The following ANKS1B variants were observed in gnomAD, a reference collection of about 807,000 sequenced individuals.
ANKS1B encodes the protein ankyrin repeat and sterile alpha motif domain containing 1B, also known as ankyrin repeat and sterile alpha motif domain-containing protein 1B.
A neutral mutation model predicts 148.3 loss-of-function variants in ANKS1B; 36 were observed. The ratio of observed to expected loss-of-function variants is 0.24; its 90% CI spans 0.19 to 0.32. The LOEUF (loss-of-function observed/expected upper bound fraction) is 0.32, where lower values mean the gene tolerates loss of function less well. ANKS1B is among the 10% of genes least tolerant of loss of function. The pLI is 1.00. For synonymous variants in ANKS1B, 542 were observed against 560.8 expected, an observed-to-expected ratio of 0.97 and a Z score of 0.47; for missense variants, 1,157 against 1,542.6, an observed-to-expected ratio of 0.75 and a Z score of 4.19.
chr12:99,199,389 A>G lies in ANKS1B; in HGVS notation c.2419+44953T>C, dbSNP rs539285374. ...CCGTGGTTTTTTAAAAACAATTATT[A>G]TCCTTTCACTTTCAGCCCTAGTCTT... is the stretch of plus-strand genomic sequence containing the variant. On this transcript the variant is annotated intron_variant, in intron 14 of 26. Coordinates refer to ENST00000683438, the MANE Select transcript of ANKS1B (RefSeq NM_001352186.2). Among the ~76,000 whole-genome samples, 20 of 152,310 alleles carry G rather than the reference A, an allele frequency of 1.3e-4. No homozygotes were observed. In the South Asian group the frequency reaches 3.7e-3, roughly 28 times the overall value.
At chr12:99,590,254 C>CA (rs2097687488) in intron 9 of ANKS1B, among the ~76,000 whole-genome samples, 2 of 130,266 alleles carry the variant, frequency 1.5e-5, no homozygotes, top group African/African-American at 3.1e-5. Flanking sequence ...ACACCCACAC[C>CA]CACCCACACA....
chr12:99,507,899 T>G (rs56193618), intron 9 of ANKS1B, among the ~76,000 whole-genome samples: 32,775 of 151,696 alleles, frequency 0.22, 4,068 homozygotes, highest in African/African-American at 0.35. Context: ...TTGAAACCTG[T>G]CCCCCAACCC....
intron 25 of ANKS1B, among the ~76,000 whole-genome samples, chr12:98,762,823 G>A (rs1296312091): frequency 6.6e-6 from 1 of 152,236 alleles, no homozygotes; most frequent in Non-Finnish European, 1.5e-5. Flanking sequence ...AGTTGACTGA[G>A]CTCCTTGAGG....
intron 9 of ANKS1B, among the ~76,000 whole-genome samples, chr12:99,572,200 G>T (rs3851625): frequency 0.23 from 35,395 of 151,832 alleles, 4,241 homozygotes; most frequent in Middle Eastern, 0.29. Flanking sequence ...AATCAAGTAT[G>T]ATACTTTCAA....
chr12:98,744,565 C>G lies in ANKS1B; in HGVS notation c.*1174G>C. 6.2e-6 allele frequency: 4 copies of G among 647,030 alleles called. No homozygotes were observed. The highest frequency in any genetic ancestry group is 7.7e-6 in the Non-Finnish European group (4 of 521,550). 40.1% of individuals were successfully genotyped at this position (647,030 alleles called of 1,614,324 possible). A position where few individuals can be genotyped will look rare whatever the true frequency, so the allele number is the denominator to read the frequency against. On this transcript the variant is annotated 3_prime_UTR_variant, in exon 27 of 27. Transcript: ENST00000683438. ...GTATCATACAAATACTCCACAGAGA[C>G]ATTAAAAAATTAAAATACCTTAAAG...
chr12:99,932,384 CCCA>C (rs1221070166), intron 1 of ANKS1B, among the ~76,000 whole-genome samples: 3 of 152,270 alleles, frequency 2.0e-5, no homozygotes, highest in African/African-American at 7.2e-5. Flanking sequence ...AATTTACATT[CCCA>C]CCAACAGCAT....
At chr12:99,752,459 G>C (rs2061196668) in intron 8 of ANKS1B, among the ~76,000 whole-genome samples, 2 of 151,926 alleles carry the variant, frequency 1.3e-5, no homozygotes, top group Non-Finnish European at 1.5e-5. Context: ...ACAGTAGCTA[G>C]TACGTAATAT....
At chr12:99,848,224 T>C (rs532595746) in intron 1 of ANKS1B, among the ~76,000 whole-genome samples, 1 of 152,178 alleles carries the variant, frequency 6.6e-6, no homozygotes, top group South Asian at 2.1e-4. Flanking sequence ...AAAAATACTG[T>C]GGGCAGTCAC....
Position 99,136,967 on chromosome 12 carries a change from G to A in ANKS1B, c.2526+17322C>T, listed in dbSNP as rs182531440. Among the ~76,000 whole-genome samples the A allele has an allele frequency of 2.3e-3, 346 of 152,196 alleles. 1 individual carries two copies. Among genetic ancestry groups the A allele is most frequent in the Non-Finnish European group, 3.7e-3 (251 of 68,010 alleles). ...AAGAAGGTGAGGTTATCAATCAAAC[G>A]GCTAACCAGTCACAGGCATCTACTC... On this transcript the variant is annotated intron_variant, in intron 15 of 26. Transcript: ENST00000683438.
At chr12:99,906,313 T>A (rs1344039143) in intron 1 of ANKS1B, among the ~76,000 whole-genome samples, 1 of 152,238 alleles carries the variant, frequency 6.6e-6, no homozygotes, top group East Asian at 1.9e-4. Flanking sequence ...CTCTTCATCA[T>A]TAAGTCTCTG....
intron 12 of ANKS1B, among the ~76,000 whole-genome samples, chr12:99,320,717 C>T (rs931336065): frequency 6.6e-5 from 10 of 152,128 alleles, no homozygotes; most frequent in African/African-American, 2.2e-4. Context: ...AGTCATTTTC[C>T]GTTCAGCTTT....
chr12:99,049,820 A>C (rs2099964802), intron 17 of ANKS1B, among the ~76,000 whole-genome samples: 1 of 152,178 alleles, frequency 6.6e-6, no homozygotes, highest in Non-Finnish European at 1.5e-5. Flanking sequence ...GTTCTACCCA[A>C]AGGTATTTAA....
chr12:98,758,119 A>G (rs1257395220), intron 25 of ANKS1B, among the ~76,000 whole-genome samples: 1 of 152,192 alleles, frequency 6.6e-6, no homozygotes, highest in Non-Finnish European at 1.5e-5. Context: ...AATACCGGCT[A>G]GCATTTATTA....
At chr12:99,388,231 T>C (rs2093947758) in intron 12 of ANKS1B, among the ~76,000 whole-genome samples, 4 of 152,194 alleles carry the variant, frequency 2.6e-5, no homozygotes, top group African/African-American at 9.7e-5. Flanking sequence ...TTTATTTAGG[T>C]CTGGATGATC....
Position 99,468,918 on chromosome 12 carries a change from G to A in ANKS1B, c.1439-25109C>T, listed in dbSNP as rs1173483526. 2.0e-4 allele frequency among the ~76,000 whole-genome samples: 31 copies of A among 152,226 alleles called. No individual in the cohort carries two copies. In the South Asian group the frequency reaches 6.2e-3, roughly 31 times the overall value. ...GGATCTAGAACTAGAAATACCATTT[G>A]ACCCAGCCATCCCATTACTGGGTAT... On this transcript the variant is annotated intron_variant, in intron 10 of 26. Transcript: ENST00000683438.
At chr12:99,085,144 G>C (rs551082248) in intron 15 of ANKS1B, 121 bp from the exon 16 acceptor site, 1 of 794,710 alleles carries the variant, frequency 1.3e-6, no homozygotes, top group Non-Finnish European at 2.0e-6. Flanking sequence ...CAAAGACATA[G>C]AGTCATTCTT....
chr12:99,258,990 C>A (rs1463755778), intron 12 of ANKS1B, among the ~76,000 whole-genome samples: 3 of 152,182 alleles, frequency 2.0e-5, no homozygotes, highest in Non-Finnish European at 4.4e-5. Context: ...TTAATCCTCA[C>A]AAAAGTCTCT....
intron 17 of ANKS1B, among the ~76,000 whole-genome samples, chr12:98,919,098 GA>G (rs926886099): frequency 6.6e-6 from 1 of 151,910 alleles, no homozygotes; most frequent in Non-Finnish European, 1.5e-5. Context: ...TCTTTTTGCG[GA>G]AAAAAATCTT....
intron 17 of ANKS1B, among the ~76,000 whole-genome samples, chr12:98,996,571 T>C (rs1423224093): frequency 6.6e-6 from 1 of 151,898 alleles, no homozygotes; most frequent in African/African-American, 2.4e-5. Flanking sequence ...TCCCAGCACT[T>C]TGGGAGGTCG....
Sources: allele counts gnomAD v4.1 joint callset (sites outside exome capture counted in the v4.1 genomes callset), GRCh38; gene constraint gnomAD v4.1.1; transcripts MANE v1.5; gene names NCBI Gene and HGNC (gene_info 2026-07-23, HGNC 2026-07-21).